NCOA1: variants seen among roughly 807,000 people sequenced by gnomAD.
The protein encoded by NCOA1 is Hin-2 protein.
In NCOA1, 35 loss-of-function variants were observed where a neutral mutation model predicts 150.9. The ratio of observed to expected loss-of-function variants is 0.23; its 90% CI spans 0.18 to 0.31. The LOEUF is 0.31. NCOA1 is among the 10% of genes least tolerant of loss of function. The pLI is 1.00. For missense variants in NCOA1, 1,491 were observed against 1,749.3 expected (o/e 0.85, Z 2.63); for synonymous variants, 590 against 630.0 (o/e 0.94, Z 0.95).
At chr2:24,537,715 A>G (rs903211322) in intron 1 of NCOA1, among the ~76,000 whole-genome samples, 3 of 152,118 alleles carry the variant, frequency 2.0e-5, no homozygotes. Flanking sequence ...GGTTTTTGTT[A>G]AATAAGTAGA....
At chr2:24,687,482 T>C (rs1672461483) in intron 8 of NCOA1, among the ~76,000 whole-genome samples, 1 of 152,142 alleles carries the variant, frequency 6.6e-6, no homozygotes, top group Admixed American at 6.5e-5. Context: ...TAGTCCATTT[T>C]CACACTGCGA....
At chr2:24,645,956 G>A (rs185727227) in intron 4 of NCOA1, among the ~76,000 whole-genome samples, 45 of 152,270 alleles carry the variant, frequency 3.0e-4, no homozygotes, top group African/African-American at 6.0e-4. Context: ...CTCTTTAAGA[G>A]TTTTCAGGAA....
chr2:24,551,551 G>A (rs562487092), intron 1 of NCOA1, among the ~76,000 whole-genome samples: 2 of 152,152 alleles, frequency 1.3e-5, no homozygotes, highest in East Asian at 3.9e-4. Context: ...GCAAACTAAC[G>A]ACCTAATTCA....
intron 3 of NCOA1, among the ~76,000 whole-genome samples, chr2:24,586,225 G>C (rs748575631): frequency 7.4e-6 from 1 of 134,338 alleles, no homozygotes; most frequent in Non-Finnish European, 1.5e-5. Flanking sequence ...GCAAAGAGCC[G>C]ATATCGTGCC....
At chr2:24,744,709 A>G (rs1284511244) in intron 19 of NCOA1, among the ~76,000 whole-genome samples, 1 of 152,220 alleles carries the variant, frequency 6.6e-6, no homozygotes, top group Admixed American at 6.5e-5. Flanking sequence ...GTGTTCCAAC[A>G]TGTTTCCAGG....
At chr2:24,677,366 A>C (rs1291493853) in intron 7 of NCOA1, among the ~76,000 whole-genome samples, 2 of 148,814 alleles carry the variant, frequency 1.3e-5, no homozygotes, top group African/African-American at 4.9e-5. Flanking sequence ...ACAAACAAAC[A>C]AAAAAAACAA....
intron 14 of NCOA1, among the ~76,000 whole-genome samples, chr2:24,725,226 C>G (rs1674555115): frequency 6.6e-6 from 1 of 151,984 alleles, no homozygotes; most frequent in South Asian, 2.1e-4. Context: ...CTTAAAACTC[C>G]AAGGCTGTTT....
At chr2:24,656,549 G>C (rs895006480) in intron 4 of NCOA1, among the ~76,000 whole-genome samples, 3 of 152,116 alleles carry the variant, frequency 2.0e-5, no homozygotes, top group Admixed American at 2.0e-4. Context: ...CAATGCTATA[G>C]AACACTAGAA....
chr2:24,675,048 C>G (rs1671845363), intron 7 of NCOA1, among the ~76,000 whole-genome samples: 1 of 152,168 alleles, frequency 6.6e-6, no homozygotes, highest in African/African-American at 2.4e-5. Flanking sequence ...ACTCCTCAGC[C>G]TTTTTCTCAG....
At chr2:24,739,795 CT>C (rs3834123) in intron 18 of NCOA1, among the ~76,000 whole-genome samples, 22,578 of 151,938 alleles carry the variant, frequency 0.15, 2,059 homozygotes, top group Non-Finnish European at 0.21. Context: ...AGAAAAAACT[CT>C]TATTTCTGTA....
In NCOA1 at chr2:24,673,396, A is replaced by G; in HGVS notation, c.287A>G (p.Lys96Arg). The part of the protein sequence containing the change: ...EKSTTDDDVQ[K>R]SDISSSSQGV... ...TCAACAACTGATGACGATGTACAGA[A>G]ATCAGACATCTCATCAAGTAGTCAA... is the stretch of plus-strand genomic sequence containing the variant. Residue 96 changes from lysine (K) to arginine (R), a missense_variant, in exon 7 of 23, where the codon AAA becomes AGA. Lys to Arg is a conservative substitution (Grantham distance 26, BLOSUM62 2). Coordinates refer to ENST00000348332, the MANE Select transcript of NCOA1 (RefSeq NM_003743.5). The G allele has an allele frequency of 6.3e-7, 1 of 1,583,408 alleles. No individual in the cohort carries two copies. The highest frequency in any genetic ancestry group is 8.6e-7 in the Non-Finnish European group (1 of 1,169,268).
intron 10 of NCOA1, among the ~76,000 whole-genome samples, chr2:24,694,299 C>T (rs927864413): frequency 2.6e-5 from 4 of 152,056 alleles, no homozygotes; most frequent in Admixed American, 6.5e-5. Flanking sequence ...CATGCTTTTA[C>T]GACAACCAGA....
intron 1 of NCOA1, among the ~76,000 whole-genome samples, chr2:24,514,555 C>G (rs1317267397): frequency 6.6e-6 from 1 of 151,854 alleles, no homozygotes. Context: ...GTAATCTTAG[C>G]ACTTTGGGAG....
chr2:24,641,244 C>T (rs1308938639), intron 3 of NCOA1, among the ~76,000 whole-genome samples: 2 of 151,040 alleles, frequency 1.3e-5, no homozygotes, highest in East Asian at 3.9e-4. Context: ...GCATTTATAC[C>T]TTTGTGCTAT....
chr2:24,717,523 CAG>C (rs755560818), intron 14 of NCOA1, among the ~76,000 whole-genome samples: 25 of 152,154 alleles, frequency 1.6e-4, no homozygotes, highest in East Asian at 7.7e-4. Context: ...AAGGAGAACA[CAG>C]GGGATTTTAT....
At chr2:24,555,840 T>TAGGATGTAG (rs377016420) in intron 1 of NCOA1, among the ~76,000 whole-genome samples, 43 of 152,340 alleles carry the variant, frequency 2.8e-4, no homozygotes, top group African/African-American at 9.9e-4. Context: ...ACCTTGTAGA[T>TAGGATGTAG]AGGATGTAGT....
At chr2:24,646,378 A>G (rs756762534) in intron 4 of NCOA1, among the ~76,000 whole-genome samples, 40 of 152,294 alleles carry the variant, frequency 2.6e-4, no homozygotes, top group Non-Finnish European at 5.3e-4. Context: ...CTACTTAACC[A>G]CAATATAATA....
At chr2:24,684,320 C>G (rs375305251) in intron 8 of NCOA1, among the ~76,000 whole-genome samples, 65 of 152,280 alleles carry the variant, frequency 4.3e-4, no homozygotes, top group South Asian at 8.3e-4. Flanking sequence ...GGTTTAGCAG[C>G]CTTCCTGGTT....
intron 1 of NCOA1, chr2:24,492,226 G>T (rs1663003322): frequency 6.6e-6 from 1 of 152,214 alleles, no homozygotes; most frequent in South Asian, 2.1e-4. Context: ...TTCCTGTCGC[G>T]GCCCGGGTTT....
Sources: gnomAD v4.1 joint callset for allele counts (sites outside exome capture counted in the v4.1 genomes callset) on GRCh38, gnomAD v4.1.1 for gene constraint, MANE v1.5 for transcripts, NCBI Gene and HGNC (gene_info 2026-07-23, HGNC 2026-07-21) for gene names.